Variants in FBXL17 observed in about 807,000 individuals in gnomAD.
FBXL17 encodes F-box/LRR-repeat protein 17.
A neutral mutation model predicts 66.2 loss-of-function variants in FBXL17; 22 were observed. The ratio of observed to expected loss-of-function variants is 0.33; its 90% CI spans 0.24 to 0.47. The LOEUF (loss-of-function observed/expected upper bound fraction) is 0.47, where lower values mean the gene tolerates loss of function less well. FBXL17 is among the 20% of genes least tolerant of loss of function. The pLI is 1.00. For synonymous variants in FBXL17, 474 were observed against 400.5 expected, an observed-to-expected ratio of 1.18 and a Z score of -2.19; for missense variants, 878 against 948.2, an observed-to-expected ratio of 0.93 and a Z score of 0.97.
chr5:108,376,739 T>C (rs1307193201), intron 1 of FBXL17, among the ~76,000 whole-genome samples: 1 of 152,124 alleles, frequency 6.6e-6, no homozygotes, highest in Admixed American at 6.5e-5. Context: ...GTCTTAAAAT[T>C]TGTTGTTAAA....
intron 6 of FBXL17, among the ~76,000 whole-genome samples, chr5:108,054,427 G>A (rs574130002): frequency 6.6e-6 from 1 of 152,008 alleles, no homozygotes; most frequent in East Asian, 1.9e-4. Context: ...GCTCCTTATA[G>A]AGCCTGACTC....
chr5:107,881,575 A>G (rs1487975208), intron 7 of FBXL17, among the ~76,000 whole-genome samples: 1 of 152,244 alleles, frequency 6.6e-6, no homozygotes, highest in African/African-American at 2.4e-5. Flanking sequence ...GAACCCACGT[A>G]AACACCATTT....
At chr5:108,298,022 T>C in intron 4 of FBXL17, 8 of 984,798 alleles carry the variant, frequency 8.1e-6, no homozygotes, top group Non-Finnish European at 9.6e-6. Context: ...CCAAAAGCAA[T>C]GCAATTACTT....
rs544175797 is a variant in FBXL17, at chr5:108,361,332, A to G, written c.1374+3406T>C. Among the ~76,000 whole-genome samples, 9 of 152,264 alleles carry G rather than the reference A, an allele frequency of 5.9e-5. No homozygotes were observed. In the East Asian group the frequency reaches 1.7e-3, roughly 29 times the overall value. The stretch of plus-strand genomic sequence containing the variant: ...CCTTGGATGCCAAAGCTTAAAAACA[A>G]AACTAAAACAAAAAACAAAAGCACT... On this transcript the variant is annotated intron_variant, in intron 3 of 8. Transcript: ENST00000542267.
intron 7 of FBXL17, among the ~76,000 whole-genome samples, chr5:108,002,182 A>ATTTTTT (rs765399250): frequency 0.044 from 4,790 of 109,214 alleles, 535 homozygotes; most frequent in East Asian, 0.16. Context: ...CACCCAGCTA[A>ATTTTTT]TTTTTTTTTT....
intron 4 of FBXL17, among the ~76,000 whole-genome samples, chr5:108,347,709 C>T (rs957062597): frequency 6.6e-6 from 1 of 151,904 alleles, no homozygotes. Flanking sequence ...CTAATGGGCA[C>T]AGGATTTTTT....
At chr5:108,340,009 G>C (rs1746771596) in intron 4 of FBXL17, among the ~76,000 whole-genome samples, 1 of 151,864 alleles carries the variant, frequency 6.6e-6, no homozygotes, top group African/African-American at 2.4e-5. Context: ...GACACTGCCT[G>C]TCTTCCATAC....
intron 7 of FBXL17, among the ~76,000 whole-genome samples, chr5:107,903,054 G>A (rs950292121): frequency 2.0e-5 from 3 of 152,080 alleles, no homozygotes; most frequent in African/African-American, 7.2e-5. Flanking sequence ...TGATCAAAAT[G>A]AAAACTAATA....
At chr5:108,234,641 G>A (rs1390415036) in intron 4 of FBXL17, among the ~76,000 whole-genome samples, 2 of 152,162 alleles carry the variant, frequency 1.3e-5, no homozygotes, top group Non-Finnish European at 1.5e-5. Flanking sequence ...TGAGAGAAGT[G>A]TTACCACTTG....
chr5:108,298,598 AT>A (rs1758445744), intron 4 of FBXL17: 18 of 949,488 alleles, frequency 1.9e-5, no homozygotes, highest in Non-Finnish European at 2.3e-5. Context: ...CTGTAAAAAA[AT>A]ATAAATCTTT....
At chr5:107,930,553 A>G (rs1750695271) in intron 7 of FBXL17, among the ~76,000 whole-genome samples, 1 of 152,246 alleles carries the variant, frequency 6.6e-6, no homozygotes, top group Non-Finnish European at 1.5e-5. Context: ...TCCAACTAGT[A>G]CATAAACCCC....
chr5:108,381,289 A>G lies in FBXL17; in HGVS notation c.403T>C (p.Ser135Pro). 7.1e-7 allele frequency: 1 copy of G among 1,413,794 alleles called. No individual in the cohort carries two copies. The highest frequency in any genetic ancestry group is 9.2e-7 in the Non-Finnish European group (1 of 1,088,410). 87.6% of individuals were successfully genotyped at this position (1,413,794 alleles called of 1,614,324 possible). A position where few individuals can be genotyped will look rare whatever the true frequency, so the allele number is the denominator to read the frequency against. The part of the protein sequence containing the change: ...AAAAAAAASA[S>P]SPASCCKELG... Reference sequence around the variant, plus strand: ...TCTTTGCAGCAGGAGGCGGGCGACGAAGCCGAGGCGGCAGCGGCGGCGGCG... The same window carrying G: ...TCTTTGCAGCAGGAGGCGGGCGACGGAGCCGAGGCGGCAGCGGCGGCGGCG... The change falls in exon 1 of 9, where the codon TCG becomes CCG. Residue 135 changes from serine to proline, a missense_variant. This residue lies in a region of FBXL17 where 605 missense variants were observed against 509.5 expected (regional missense o/e 1.19). Coordinates refer to ENST00000542267, the MANE Select transcript of FBXL17 (RefSeq NM_001163315.3).
chr5:108,207,046 T>A (rs1396971183), intron 5 of FBXL17, among the ~76,000 whole-genome samples: 2 of 152,174 alleles, frequency 1.3e-5, no homozygotes, highest in African/African-American at 4.8e-5. Flanking sequence ...TACAGTTTAA[T>A]TCATCAGTTA....
At chr5:107,996,313 TTTTG>T (rs971617100) in intron 7 of FBXL17, among the ~76,000 whole-genome samples, 6 of 152,148 alleles carry the variant, frequency 3.9e-5, no homozygotes, top group Non-Finnish European at 7.4e-5. Flanking sequence ...TGACACTATT[TTTTG>T]TTTGTTTGTT....
rs1580622498 is a variant in FBXL17 at position 108,211,473 on chromosome 5, C to T, written c.1614+12648G>A. ...CTGCAGTGGCTGGTACTGGTTTCTC[C>T]TTTCCATGTTTAGTGCTTCTTTCAG... On this transcript the variant is annotated intron_variant, in intron 5 of 8. Coordinates refer to ENST00000542267, the MANE Select transcript of FBXL17 (RefSeq NM_001163315.3). 2.6e-5 allele frequency among the ~76,000 whole-genome samples: 4 copies of T among 152,270 alleles called. No homozygotes were observed. In the South Asian group the frequency reaches 8.3e-4, roughly 32 times the overall value.
intron 5 of FBXL17, among the ~76,000 whole-genome samples, chr5:108,192,699 G>T (rs570463030): frequency 1.3e-5 from 2 of 152,240 alleles, no homozygotes; most frequent in African/African-American, 4.8e-5. Context: ...GGCAGAGGCA[G>T]GTGAATCGCT....
chr5:108,194,194 T>C (rs907449829), intron 5 of FBXL17, among the ~76,000 whole-genome samples: 1 of 152,176 alleles, frequency 6.6e-6, no homozygotes, highest in African/African-American at 2.4e-5. Context: ...TTTCCCCAGA[T>C]TTTGAGAAGT....
intron 7 of FBXL17, among the ~76,000 whole-genome samples, chr5:108,004,508 T>C (rs1193617137): frequency 6.6e-6 from 1 of 152,136 alleles, no homozygotes; most frequent in Non-Finnish European, 1.5e-5. Flanking sequence ...CCCTTTGCAA[T>C]ACTACTGAGT....
chr5:108,279,005 C>T (rs1482958112), intron 4 of FBXL17, among the ~76,000 whole-genome samples: 4 of 152,170 alleles, frequency 2.6e-5, no homozygotes, highest in East Asian at 1.9e-4. Context: ...GACATAAACA[C>T]CCTGCTGCTT....
Sources: gnomAD v4.1 joint callset for allele counts (sites outside exome capture counted in the v4.1 genomes callset) on GRCh38, gnomAD v4.1.1 for gene constraint, gnomAD v4.1.1 regional missense constraint, MANE v1.5 for transcripts, NCBI Gene and HGNC (gene_info 2026-07-23, HGNC 2026-07-21) for gene names.